The following CHD1 variants were observed in gnomAD, a reference collection of about 807,000 sequenced individuals.
The protein encoded by CHD1 is chromodomain helicase DNA binding protein 1.
Under a neutral mutation model 224.2 loss-of-function variants are expected in CHD1, and 36 were observed. That is an observed-to-expected ratio of 0.16 (90% CI 0.12 to 0.21). The LOEUF (loss-of-function observed/expected upper bound fraction) is 0.21, where lower values mean the gene tolerates loss of function less well. CHD1 is among the 10% of genes least tolerant of loss of function. The pLI, the probability that CHD1 is intolerant of heterozygous loss-of-function variation, is 1.00. For missense variants in CHD1, 1,378 were observed against 1,994.8 expected (o/e 0.69, Z 5.89); for synonymous variants, 668 against 658.3 (o/e 1.01, Z -0.23).
chr5:98,882,190 TA>T, intron 19 of CHD1, 67 bp from the exon 20 acceptor site: 4 of 1,333,596 alleles, frequency 3.0e-6, no homozygotes, highest in African/African-American at 1.4e-5. Context: ...CTCAAGTGCC[TA>T]AACACTGGCA....
rs765679722 is a variant in CHD1, at chr5:98,893,390, T to C, written c.1991+26A>G. On this transcript the variant is annotated intron_variant, in intron 14 of 35. Coordinates refer to ENST00000614616, the MANE Select transcript of CHD1 (RefSeq NM_001270.4). ...CACTAAACATAATATCCACACAATATGATTAAAATTGTAAAGTTGTCTTAC... is the reference window on the plus strand; with the variant it reads ...CACTAAACATAATATCCACACAATACGATTAAAATTGTAAAGTTGTCTTAC... The C allele has an allele frequency of 2.6e-6, 4 of 1,509,718 alleles. No individual in the cohort carries two copies. The Admixed American group carries it at 7.8e-5, about 30-fold the overall frequency. The allele number at this position is 1,509,718 out of a possible 1,614,324, so 93.5% of individuals were successfully genotyped here.
At chr5:98,859,062 A>G in intron 33 of CHD1, 47 bp from the exon 34 acceptor site, 1 of 1,435,460 alleles carries the variant, frequency 7.0e-7, no homozygotes, top group Non-Finnish European at 9.5e-7. Flanking sequence ...GACTTCACAA[A>G]CTTACAAAAA....
intron 35 of CHD1, 113 bp downstream of exon 35, chr5:98,858,067 G>T: frequency 2.7e-6 from 2 of 744,448 alleles, no homozygotes; most frequent in Non-Finnish European, 2.3e-6. Context: ...TATTTCACAA[G>T]ATTTGTTTTG....
At chr5:98,918,753 C>CA (rs35829200) in intron 2 of CHD1, among the ~76,000 whole-genome samples, 1,230 of 63,856 alleles carry the variant, frequency 0.019, 21 homozygotes, top group African/African-American at 0.038. Flanking sequence ...CAAGACTCTT[C>CA]AAAAAAAAAA....
chr5:98,874,323 T>C (rs532409115), intron 25 of CHD1, among the ~76,000 whole-genome samples: 34 of 152,172 alleles, frequency 2.2e-4, no homozygotes, highest in Middle Eastern at 6.8e-3. Flanking sequence ...ACTGAGATTA[T>C]CTGATAACTT....
chr5:98,874,980 CAA>C, intron 25 of CHD1, 90 bp downstream of exon 25: 1 of 698,270 alleles, frequency 1.4e-6, no homozygotes, highest in East Asian at 2.9e-5. Context: ...GCAAATTTAA[CAA>C]AGTAGCTAAA....
At position 98,881,994 on chromosome 5, in the gene CHD1, T is replaced by C. The variant is rs1750226720; in HGVS notation, c.2848A>G (p.Thr950Ala). ...AACCACCTTGATGGGGCAGAACCTG[T>C]ATGTAGTACTGTCTTCCCAGTTGTG... The part of the protein sequence containing the change: ...MDTTGKTVLH[T>A]GSAPSSSTPF... Residue 950 changes from threonine to alanine, a missense_variant, in exon 20 of 36, where the codon ACA (threonine) becomes GCA (alanine). Physicochemically the swap from Thr to Ala is moderately conservative, Grantham distance 58 (BLOSUM62 0). Coordinates refer to ENST00000614616, the MANE Select transcript of CHD1 (RefSeq NM_001270.4). 6.2e-7 allele frequency: 1 copy of C among 1,613,616 alleles called. No homozygotes were observed. Among genetic ancestry groups the C allele is most frequent in the Non-Finnish European group, 8.5e-7 (1 of 1,179,766 alleles).
chr5:98,891,890 G>T (rs930915422), intron 15 of CHD1, among the ~76,000 whole-genome samples: 1 of 152,108 alleles, frequency 6.6e-6, no homozygotes, highest in Non-Finnish European at 1.5e-5. Flanking sequence ...TCCTATTTTT[G>T]TATATGTCTG....
chr5:98,895,384 T>C (rs1034667810), intron 12 of CHD1, among the ~76,000 whole-genome samples: 1 of 152,186 alleles, frequency 6.6e-6, no homozygotes, highest in Non-Finnish European at 1.5e-5. Flanking sequence ...AGCAGTAAAT[T>C]TGTGAAACTT....
In CHD1 at chr5:98,876,401, C is replaced by G. The variant is rs1319452284; in HGVS notation, c.3395G>C (p.Arg1132Thr). 6.2e-7 allele frequency: 1 copy of G among 1,613,586 alleles called. No homozygotes were observed. Among genetic ancestry groups the G allele is most frequent in the Non-Finnish European group, 8.5e-7 (1 of 1,179,700 alleles). ...CGATTGTCTTATAACACCTTACCGC[C>G]TAATTTCTGCATCACTAAATCCTTT... ...NIKGFSDAEI[R>T]RFIKSYKKFG... Residue 1132 changes from arginine (R) to threonine (T), a missense_variant, in exon 24 of 36, where the codon AGG (arginine) becomes ACG (threonine). This residue lies in a region of CHD1 where 286 missense variants were observed against 445.1 expected (regional missense o/e 0.64). Transcript: ENST00000614616.
At chr5:98,873,354 T>C (rs1228010162) in intron 26 of CHD1, among the ~76,000 whole-genome samples, 5 of 152,160 alleles carry the variant, frequency 3.3e-5, no homozygotes, top group Non-Finnish European at 7.4e-5. Context: ...TATAAAACAG[T>C]AATTTCTGAC....
chr5:98,864,206 C>T (rs1006675852), intron 31 of CHD1, among the ~76,000 whole-genome samples: 26 of 151,980 alleles, frequency 1.7e-4, no homozygotes, highest in African/African-American at 6.3e-4. Flanking sequence ...GCACTATAAC[C>T]TTATGCCAAA....
At chr5:98,870,015 A>G in intron 29 of CHD1, 133 bp from the exon 30 acceptor site, 1 of 614,762 alleles carries the variant, frequency 1.6e-6, no homozygotes, top group South Asian at 2.3e-5. Flanking sequence ...CTGTACCAAC[A>G]TCAGAAACTC....
rs201447842 is a variant in CHD1 at position 98,904,984 on chromosome 5, A to G, written c.168T>C (p.Ser56=). 1 of 1,598,188 alleles carries G rather than the reference A, an allele frequency of 6.3e-7. No individual in the cohort carries two copies. The highest frequency in any genetic ancestry group is 8.6e-7 in the Non-Finnish European group (1 of 1,165,502). ...QSGSSDSDSG[S]ESGSQSESES... ...CAGACTCTGACTGACTGCCTGATTC[A>G]GATCCGGAGTCAGAGTCACTGCTAC... is the stretch of plus-strand genomic sequence containing the variant. Residue 56 remains serine, a synonymous_variant, in exon 3 of 36, where the codon TCT becomes TCC. Transcript: ENST00000614616.
rs985756661 is a variant in CHD1 at position 98,866,721 on chromosome 5, T to C, written c.4248+1774A>G. 5.3e-5 allele frequency among the ~76,000 whole-genome samples: 8 copies of C among 152,282 alleles called. No homozygotes were observed. The East Asian group carries it at 7.7e-4, about 15-fold the overall frequency. On this transcript the variant is annotated intron_variant, in intron 31 of 35. Transcript: ENST00000614616. Reference sequence around the variant, plus strand: ...ATATTTATATATAAATTTGTGTATATTGTAACTATATATAAACATGACACA... The same window carrying C: ...ATATTTATATATAAATTTGTGTATACTGTAACTATATATAAACATGACACA...
rs200375047 is a variant in CHD1, at chr5:98,883,826, AATATATATATATAT to A, written c.2569-603_2569-590del. Reference sequence around the variant, plus strand: ...GCAACCTAGATGGGATTGGAGACTAAATATATATATATATATATATATATATATATATATATTTT... The same window carrying A: ...GCAACCTAGATGGGATTGGAGACTAAATATATATATATATATATATATTTT... On this transcript the variant is annotated intron_variant, in intron 18 of 35. Coordinates refer to ENST00000614616, the MANE Select transcript of CHD1 (RefSeq NM_001270.4). 4.6e-3 allele frequency: 274 copies of A among 59,094 alleles called. 7 individuals are homozygous for A. The highest frequency in any genetic ancestry group is 0.015 in the African/African-American group (179 of 11,760). The allele number at this position is 59,094 out of a possible 1,614,324, so 3.7% of individuals were successfully genotyped here.
intron 12 of CHD1, among the ~76,000 whole-genome samples, chr5:98,895,248 T>A (rs550052774): frequency 6.6e-6 from 1 of 150,586 alleles, no homozygotes; most frequent in South Asian, 2.1e-4. Context: ...GAAAAGGTCT[T>A]ATTTAAGAAA....
intron 2 of CHD1, among the ~76,000 whole-genome samples, chr5:98,909,469 G>C (rs1400632016): frequency 7.2e-5 from 11 of 152,104 alleles, no homozygotes; most frequent in Admixed American, 7.2e-4. Flanking sequence ...GGTACTGCCA[G>C]CCTTATCCAT....
chr5:98,907,592 A>G (rs1487717839), intron 2 of CHD1, among the ~76,000 whole-genome samples: 1 of 151,244 alleles, frequency 6.6e-6, no homozygotes, highest in Non-Finnish European at 1.5e-5. Flanking sequence ...CCATCTCAAA[A>G]AAAAAAAAAA....
Sources: allele counts gnomAD v4.1 joint callset (sites outside exome capture counted in the v4.1 genomes callset), GRCh38; gene constraint gnomAD v4.1.1; regional missense constraint gnomAD v4.1.1; transcripts MANE v1.5; gene names NCBI Gene and HGNC (gene_info 2026-07-23, HGNC 2026-07-21).